The following ANO1 variants were observed in gnomAD, a reference collection of about 807,000 sequenced individuals.
ANO1 encodes anoctamin 1, also known as anoctamin-1.
A neutral mutation model predicts 124.0 loss-of-function variants in ANO1; 59 were observed. That is an observed-to-expected ratio of 0.48 (90% CI 0.39 to 0.59). The LOEUF (loss-of-function observed/expected upper bound fraction) is 0.59. ANO1 is among the 20% of genes least tolerant of loss of function. The probability of loss-of-function intolerance (pLI) is 0.00; values close to 1 mark genes in which losing one functional copy is unlikely to be tolerated. For missense variants in ANO1, 1,059 were observed against 1,328.0 expected, an observed-to-expected ratio of 0.80 and a Z score of 3.15; for synonymous variants, 529 against 532.0, an observed-to-expected ratio of 0.99 and a Z score of 0.08.
At chr11:70,152,058 C>A (rs10898819) in intron 12 of ANO1, among the ~76,000 whole-genome samples, 23,462 of 152,032 alleles carry the variant, frequency 0.15, 1,943 homozygotes, top group South Asian at 0.23. Flanking sequence ...TCTTTAGGAC[C>A]GGGCGCGGTG....
intron 22 of ANO1, 102 bp downstream of exon 22, chr11:70,171,141 T>G: frequency 6.9e-7 from 1 of 1,449,964 alleles, no homozygotes; most frequent in Non-Finnish European, 9.3e-7. Flanking sequence ...TGGCCAGGTG[T>G]CCCTCCTGGG....
At chr11:69,989,131 G>T (rs910504168) in intron 1 of ANO1, among the ~76,000 whole-genome samples, 1 of 151,100 alleles carries the variant, frequency 6.6e-6, no homozygotes, top group Non-Finnish European at 1.5e-5. Flanking sequence ...ACTGTATGAG[G>T]TGGGTCCCAT....
At chr11:70,029,356 G>C (rs1419986181) in intron 1 of ANO1, among the ~76,000 whole-genome samples, 1 of 152,220 alleles carries the variant, frequency 6.6e-6, no homozygotes, top group African/African-American at 2.4e-5. Context: ...GCCCAGGGGA[G>C]AGCTGACTCA....
intron 10 of ANO1, among the ~76,000 whole-genome samples, chr11:70,131,609 T>G (rs1434881685): frequency 6.6e-6 from 1 of 152,192 alleles, no homozygotes; most frequent in Non-Finnish European, 1.5e-5. Context: ...ATTACAGGCG[T>G]GAGTCACCAC....
intron 1 of ANO1, among the ~76,000 whole-genome samples, chr11:69,989,533 A>G (rs1554997214): frequency 6.6e-6 from 1 of 152,014 alleles, no homozygotes; most frequent in African/African-American, 2.4e-5. Context: ...AGAGGTATGG[A>G]AGGTGTGGAG....
chr11:70,094,442 C>CG (rs2044760638), intron 2 of ANO1, among the ~76,000 whole-genome samples: 1 of 152,168 alleles, frequency 6.6e-6, no homozygotes, highest in African/African-American at 2.4e-5. Context: ...ATTTGAGAAT[C>CG]GGGGGTGGGG....
upstream of ANO1, among the ~76,000 whole-genome samples, chr11:70,076,049 G>A (rs540246638): frequency 5.9e-4 from 90 of 152,308 alleles, no homozygotes; most frequent in African/African-American, 2.1e-3. Context: ...CAGAGGCCAC[G>A]CTGCATTTCC....
intron 22 of ANO1, among the ~76,000 whole-genome samples, chr11:70,175,062 T>G (rs1590926943): frequency 7.0e-6 from 1 of 142,298 alleles, no homozygotes; most frequent in South Asian, 2.4e-4. Context: ...TCTGGCACCC[T>G]CTGCTTCGAG....
At chr11:69,982,210 A>G (rs1213232519), upstream of ANO1, among the ~76,000 whole-genome samples, 3 of 152,220 alleles carry the variant, frequency 2.0e-5, no homozygotes, top group Non-Finnish European at 2.9e-5. Flanking sequence ...TTTAATTACA[A>G]TAAGACCCCC....
rs1019679668 is a variant in ANO1 at position 69,993,685 on chromosome 11, C to T, written c.58+7519C>T. On this transcript the variant is annotated intron_variant, in intron 1 of 27. Transcript: ENST00000531349. ...CCAGCCCACCACCTGGTGCAGCTGG[C>T]GCCCCTTCCTGTGCATTTTTCGAAT... Among the ~76,000 whole-genome samples, 16 of 152,316 alleles carry T rather than the reference C, an allele frequency of 1.1e-4. 1 individual carries two copies. The highest frequency in any genetic ancestry group is 1.3e-4 in the Admixed American group (2 of 15,306).
intron 9 of ANO1, among the ~76,000 whole-genome samples, chr11:70,125,319 G>A (rs954326122): frequency 2.0e-5 from 3 of 151,458 alleles, no homozygotes; most frequent in South Asian, 2.1e-4. Flanking sequence ...CTGCAGCCTG[G>A]GCGACAGAGC....
At chr11:70,109,738 T>G (rs1161223144) in intron 6 of ANO1, among the ~76,000 whole-genome samples, 1 of 151,964 alleles carries the variant, frequency 6.6e-6, no homozygotes, top group African/African-American at 2.4e-5. Flanking sequence ...AGTAGAAACG[T>G]GTATGGTTGC....
intron 1 of ANO1, among the ~76,000 whole-genome samples, chr11:70,007,402 G>A (rs548311200): frequency 1.3e-5 from 2 of 150,694 alleles, no homozygotes; most frequent in East Asian, 2.0e-4. Flanking sequence ...TCAGCCTCCC[G>A]AGTAGCTGGG....
At chr11:70,159,500 A>G (rs2047959856) in intron 16 of ANO1, among the ~76,000 whole-genome samples, 2 of 152,224 alleles carry the variant, frequency 1.3e-5, no homozygotes, top group African/African-American at 4.8e-5. Flanking sequence ...AGGGCTTCAT[A>G]GGGTTGAAGA....
chr11:70,043,751 A>G (rs1341637066), intron 1 of ANO1, among the ~76,000 whole-genome samples: 1 of 152,164 alleles, frequency 6.6e-6, no homozygotes, highest in African/African-American at 2.4e-5. Context: ...GGTGAAATAA[A>G]GACTTTTACA....
At chr11:69,989,007 CGGAGGGAGGGAGGGAA>C (rs1430441910) in intron 1 of ANO1, among the ~76,000 whole-genome samples, 21 of 142,910 alleles carry the variant, frequency 1.5e-4, no homozygotes, top group African/African-American at 5.3e-4. Flanking sequence ...TAGGGAGGGA[CGGAGGGAGGGAGGGAA>C]GGAAGGTGAT....
At chr11:70,120,097 C>A (rs555821584) in intron 8 of ANO1, among the ~76,000 whole-genome samples, 1 of 152,068 alleles carries the variant, frequency 6.6e-6, no homozygotes, top group African/African-American at 2.4e-5. Flanking sequence ...AGGAGCCCCA[C>A]GTGCCTGACC....
intron 1 of ANO1, among the ~76,000 whole-genome samples, chr11:70,033,405 A>T (rs782523482): frequency 6.6e-6 from 1 of 151,266 alleles, no homozygotes; most frequent in Non-Finnish European, 1.5e-5. Context: ...TATCTGTTCC[A>T]CTCCTGCCTA....
intron 1 of ANO1, among the ~76,000 whole-genome samples, chr11:70,057,847 G>C (rs372393705): frequency 6.6e-6 from 1 of 152,248 alleles, no homozygotes; most frequent in African/African-American, 2.4e-5. Context: ...GCTTAGCCTG[G>C]GCTCAGAGGC....
Sources: gnomAD v4.1 joint callset for allele counts (sites outside exome capture counted in the v4.1 genomes callset) on GRCh38, gnomAD v4.1.1 for gene constraint, MANE v1.5 for transcripts, NCBI Gene and HGNC (gene_info 2026-07-23, HGNC 2026-07-21) for gene names.